The following FSD2 variants were observed in gnomAD, a reference collection of about 807,000 sequenced individuals.
The protein encoded by FSD2 is fibronectin type III and SPRY domain-containing protein 2.
FSD2 carries 71 observed loss-of-function variants against 80.4 expected under a neutral mutation model. The ratio of observed to expected loss-of-function variants is 0.88; its 90% CI spans 0.73 to 1.08. FSD2 has a LOEUF of 1.08. Ranked by LOEUF, FSD2 falls within the 50% of genes least tolerant of loss-of-function variation. The pLI is 0.00. For missense variants in FSD2, 923 were observed against 913.8 expected, an observed-to-expected ratio of 1.01 and a Z score of -0.13; for synonymous variants, 361 against 329.5, an observed-to-expected ratio of 1.10 and a Z score of -1.03.
rs199721692 is a variant in FSD2 at position 82,765,247 on chromosome 15, G to A, written c.1739C>T (p.Ser580Phe). The A allele has an allele frequency of 2.7e-4, 432 of 1,613,194 alleles. 2 individuals carry two copies. The highest frequency in any genetic ancestry group is 8.3e-4 in the Middle Eastern group (5 of 6,060). The change falls in exon 11 of 13, where the codon TCT becomes TTT. Residue 580 changes from serine (S) to phenylalanine (F), a missense_variant. Transcript: ENST00000334574. The part of the protein sequence containing the change: ...KDTCHPWLTI[S>F]EDGLTAVRSE... ...TCGTACAGCCGTAAGTCCGTCTTCA[G>A]AAATGGTCAGCCAGGGATGGCAAGT... is the stretch of plus-strand genomic sequence containing the variant.
chr15:82,783,081 G>T, intron 3 of FSD2, 56 bp from the exon 4 acceptor site: 1 of 1,297,302 alleles, frequency 7.7e-7, no homozygotes. Flanking sequence ...GTTGATTAGA[G>T]TCTTTTGTTT....
At chr15:82,769,587 C>CA (rs1292280724) in intron 8 of FSD2, among the ~76,000 whole-genome samples, 163 bp downstream of exon 8, 3 of 151,834 alleles carry the variant, frequency 2.0e-5, no homozygotes. Flanking sequence ...ATGTCACTGT[C>CA]AAACTAGGCA....
At chr15:82,773,036 A>G (rs983233040) in intron 6 of FSD2, among the ~76,000 whole-genome samples, 4 of 152,156 alleles carry the variant, frequency 2.6e-5, no homozygotes, top group Admixed American at 6.5e-5. Context: ...TAGTAGAGAC[A>G]GGGCTTCGCC....
intron 3 of FSD2, among the ~76,000 whole-genome samples, chr15:82,784,923 T>C (rs1370660828): frequency 6.6e-6 from 1 of 152,214 alleles, no homozygotes; most frequent in East Asian, 1.9e-4. Context: ...CAGGGGACTG[T>C]GGCATGTTTG....
At chr15:82,784,896 A>C (rs2049958846) in intron 3 of FSD2, among the ~76,000 whole-genome samples, 1 of 152,178 alleles carries the variant, frequency 6.6e-6, no homozygotes, top group African/African-American at 2.4e-5. Context: ...GTTACCATGT[A>C]TCTACTAGGG....
intron 4 of FSD2, among the ~76,000 whole-genome samples, chr15:82,782,551 G>A (rs1040815493): frequency 6.6e-6 from 1 of 152,206 alleles, no homozygotes; most frequent in Non-Finnish European, 1.5e-5. Context: ...GCTGGGGGAG[G>A]GAGAGAGTCT....
chr15:82,775,240 T>C (rs1157422875), intron 6 of FSD2, among the ~76,000 whole-genome samples: 16 of 151,210 alleles, frequency 1.1e-4, no homozygotes, highest in Admixed American at 1.1e-3. Flanking sequence ...CTAATAAAAA[T>C]ATAAAAAATT....
rs1260351218 is a variant in FSD2, at chr15:82,759,026, T to G, written c.*322A>C. The G allele has an allele frequency of 4.1e-6, 1 of 245,166 alleles. No individual in the cohort carries two copies. The highest frequency in any genetic ancestry group is 2.3e-5 in the African/African-American group (1 of 43,916). The allele number at this position is 245,166 out of a possible 1,614,324, so 15.2% of individuals were successfully genotyped here. ...AGACTACCCTCGTCCTCTCCCAAGC[T>G]CTCTAGGTCTTGGAAACTCAAGATA... On this transcript the variant is annotated 3_prime_UTR_variant, in exon 13 of 13. Coordinates refer to ENST00000334574, the MANE Select transcript of FSD2 (RefSeq NM_001007122.4).
In FSD2 at chr15:82,789,055, G is replaced by A. The variant is rs369821154; in HGVS notation, c.-78-1587C>T. Among the ~76,000 whole-genome samples the A allele has an allele frequency of 9.3e-5, 14 of 151,346 alleles. No homozygotes were observed. The South Asian group carries it at 2.1e-3, about 23-fold the overall frequency. On this transcript the variant is annotated intron_variant, in intron 1 of 12. Coordinates refer to ENST00000334574, the MANE Select transcript of FSD2 (RefSeq NM_001007122.4). Reference sequence around the variant, plus strand: ...CCTAGTAATCCTCTTCTGGAACCTTGAGGAAAAATCCCAAATACAAGGAAA... The same window carrying A: ...CCTAGTAATCCTCTTCTGGAACCTTAAGGAAAAATCCCAAATACAAGGAAA...
intron 4 of FSD2, among the ~76,000 whole-genome samples, chr15:82,782,590 T>G (rs2049893471): frequency 6.6e-6 from 1 of 152,156 alleles, no homozygotes; most frequent in Non-Finnish European, 1.5e-5. Flanking sequence ...GCCACTCACG[T>G]GGAAGCCATG....
chr15:82,789,351 G>A (rs1052893248), intron 1 of FSD2, among the ~76,000 whole-genome samples: 2 of 129,870 alleles, frequency 1.5e-5, no homozygotes, highest in Non-Finnish European at 3.3e-5. Context: ...AAGTCTAGAA[G>A]GATATAATAA....
chr15:82,782,878 A>G lies in FSD2; in HGVS notation c.883T>C (p.Cys295Arg), dbSNP rs776521067. The G allele has an allele frequency of 2.5e-6, 4 of 1,613,882 alleles. No individual in the cohort carries two copies. The South Asian group carries it at 3.3e-5, about 13-fold the overall frequency. Residue 295 changes from cysteine to arginine, a missense_variant, in exon 4 of 13, where the codon TGT (cysteine) becomes CGT (arginine). Coordinates refer to ENST00000334574, the MANE Select transcript of FSD2 (RefSeq NM_001007122.4). Reference sequence around the variant, plus strand: ...TTGCAAGTATCTAGGTTTTCTCCACAGCTGACCAGTTGTCCATATAAGGCT... The same window carrying G: ...TTGCAAGTATCTAGGTTTTCTCCACGGCTGACCAGTTGTCCATATAAGGCT... ...LEALYGQLVSCGENLDTCKEL... is the reference protein window; with the variant it reads ...LEALYGQLVSRGENLDTCKEL...
chr15:82,798,874 T>TTG (rs1459744418), intron 1 of FSD2, among the ~76,000 whole-genome samples: 2 of 34,228 alleles, frequency 5.8e-5, no homozygotes, highest in African/African-American at 1.2e-4. Context: ...ATCTCCACTG[T>TTG]TTTGTTTTTT....
rs77907196 is a variant in FSD2 at position 82,788,577 on chromosome 15, A to T, written c.-78-1109T>A. On this transcript the variant is annotated intron_variant, in intron 1 of 12. Coordinates refer to ENST00000334574, the MANE Select transcript of FSD2 (RefSeq NM_001007122.4). ...TGTTTTGCCTTTTCAGTTAGAAAAT[A>T]TTTAAAAATATCAAAAGTGATACCC... Among the ~76,000 whole-genome samples, 137 of 151,680 alleles carry T rather than the reference A, an allele frequency of 9.0e-4. 2 individuals carry two copies. The East Asian group carries it at 0.022, about 24-fold the overall frequency.
chr15:82,762,276 C>T lies in FSD2; in HGVS notation c.1823G>A (p.Cys608Tyr). Residue 608 changes from cysteine (C) to tyrosine (Y), a missense_variant and splice_region_variant, in exon 12 of 13, where the codon TGT becomes TAT. Physicochemically the swap from Cys to Tyr is radical, Grantham distance 194. Coordinates refer to ENST00000334574, the MANE Select transcript of FSD2 (RefSeq NM_001007122.4). The stretch of plus-strand genomic sequence containing the variant: ...AATTAGATTTCCCATGACAGCAACA[C>T]ACCTGGTTTTAGAAAGTGGAAGCAT... ...LSPSDTHFTR[C>Y]VAVMGNLIPV... 6.2e-7 allele frequency: 1 copy of T among 1,613,332 alleles called. No homozygotes were observed. Among genetic ancestry groups the T allele is most frequent in the African/African-American group, 1.3e-5 (1 of 75,064 alleles).
At chr15:82,788,256 G>C (rs1398749242) in intron 1 of FSD2, among the ~76,000 whole-genome samples, 1 of 151,632 alleles carries the variant, frequency 6.6e-6, no homozygotes, top group African/African-American at 2.4e-5. Flanking sequence ...AGTACTTTGG[G>C]AGGCTGAGGC....
chr15:82,765,497 C>A lies in FSD2; in HGVS notation c.1688-199G>T, dbSNP rs72753951. Among the ~76,000 whole-genome samples the A allele has an allele frequency of 7.1e-3, 1,074 of 152,166 alleles. 12 individuals carry two copies. The highest frequency in any genetic ancestry group is 7.9e-3 in the Non-Finnish European group (535 of 68,016). ...CTAGTATCCCCTTCAATCCTCACGACGACCCTTAGAAACAGGTGTCACTAT... is the reference window on the plus strand; with the variant it reads ...CTAGTATCCCCTTCAATCCTCACGAAGACCCTTAGAAACAGGTGTCACTAT... On this transcript the variant is annotated intron_variant, in intron 10 of 12. Transcript: ENST00000334574.
intron 5 of FSD2, among the ~76,000 whole-genome samples, chr15:82,779,400 C>G (rs1017145999): frequency 5.3e-5 from 8 of 152,116 alleles, no homozygotes; most frequent in African/African-American, 1.9e-4. Context: ...CATGATGGCT[C>G]ACACCTGTAA....
Position 82,799,270 on chromosome 15 carries a change from A to T in FSD2, c.-79+6696T>A, listed in dbSNP as rs577668762. On this transcript the variant is annotated intron_variant, in intron 1 of 12. Coordinates refer to ENST00000334574, the MANE Select transcript of FSD2 (RefSeq NM_001007122.4). The stretch of plus-strand genomic sequence containing the variant: ...TGTCTGGTGCTCTCCTGACTGCTCC[A>T]TGCCATTCAATCCTATTGACCCTTC... Among the ~76,000 whole-genome samples, 15 of 152,210 alleles carry T rather than the reference A, an allele frequency of 9.9e-5. No individual in the cohort carries two copies. The South Asian group carries it at 1.4e-3, about 15-fold the overall frequency.
Sources: allele counts gnomAD v4.1 joint callset (sites outside exome capture counted in the v4.1 genomes callset), GRCh38; gene constraint gnomAD v4.1.1; transcripts MANE v1.5; gene names NCBI Gene and HGNC (gene_info 2026-07-23, HGNC 2026-07-21).